WDR81: variants seen among roughly 807,000 people sequenced by gnomAD.
WDR81 encodes the protein WD repeat-containing protein 81.
In WDR81, 92 loss-of-function variants were observed where a neutral mutation model predicts 140.8. The observed-to-expected ratio is 0.65, with a 90% CI of 0.55 to 0.78. WDR81 has a LOEUF of 0.78. WDR81 is among the 30% of genes least tolerant of loss of function. The pLI is 0.00. For synonymous variants in WDR81, 1,183 were observed against 1,156.4 expected, an observed-to-expected ratio of 1.02 and a Z score of -0.47; for missense variants, 2,502 against 2,636.4, an observed-to-expected ratio of 0.95 and a Z score of 1.12.
chr17:1,723,962 G>A (rs76607252), upstream of WDR81, among the ~76,000 whole-genome samples: 48 of 152,342 alleles, frequency 3.2e-4, no homozygotes, highest in Non-Finnish European at 5.7e-4. Context: ...ACCTCACAGA[G>A]TGTGTTGCGA....
chr17:1,719,464 C>T (rs1363251193), intron 1 of WDR81, among the ~76,000 whole-genome samples: 2 of 151,296 alleles, frequency 1.3e-5, no homozygotes, highest in African/African-American at 2.4e-5. Flanking sequence ...AGGAGAGTGG[C>T]GTGAACCCAG....
chr17:1,728,360 A>G lies in WDR81; in HGVS notation c.3401A>G (p.Lys1134Arg), dbSNP rs1481852966. 6.2e-7 allele frequency: 1 copy of G among 1,612,966 alleles called. No homozygotes were observed. The highest frequency in any genetic ancestry group is 1.3e-5 in the African/African-American group (1 of 75,060). ...APDEGGAPVD[K>R]SSLRSGDSSQ... is the part of the protein sequence containing the mutation. Reference sequence around the variant, plus strand: ...GACGAGGGGGGTGCCCCCGTGGACAAGAGCAGCCTTCGATCAGGTGACAGC... The same window carrying G: ...GACGAGGGGGGTGCCCCCGTGGACAGGAGCAGCCTTCGATCAGGTGACAGC... Residue 1134 changes from lysine (K) to arginine (R), a missense_variant, in exon 1 of 10, where the codon AAG (lysine) becomes AGG (arginine). This residue lies in a region of WDR81 where 1,737 missense variants were observed against 1,843.0 expected (regional missense o/e 0.94). Transcript: ENST00000409644.
At position 1,724,974 on chromosome 17, in the gene WDR81, CG is replaced by C; in HGVS notation, c.21del (p.Arg8GlyfsTer31). 10 of 1,455,448 alleles carry C rather than the reference CG, an allele frequency of 6.9e-6. No homozygotes were observed. Among genetic ancestry groups the C allele is most frequent in the East Asian group, 2.5e-5 (1 of 39,806 alleles). The allele number at this position is 1,455,448 out of a possible 1,614,324, so 90.2% of individuals were successfully genotyped here. MAQGS[G>X]GREGALRTPA... The stretch of plus-strand genomic sequence containing the variant: ...GCCTGGAGGAGATGGCCCAGGGCAG[CG>C]GGGGGCGGGAAGGCGCTCTCAGAAC... On this transcript the variant is annotated frameshift_variant, in exon 1 of 10. Coordinates refer to ENST00000409644, the MANE Select transcript of WDR81 (RefSeq NM_001163809.2). LOFTEE classifies it high-confidence loss of function.
At chr17:1,729,823 A>G (rs1381226227) in intron 1 of WDR81, among the ~76,000 whole-genome samples, 4 of 151,780 alleles carry the variant, frequency 2.6e-5, no homozygotes, top group Admixed American at 1.3e-4. Context: ...TTAGCTGGGC[A>G]TGGTGGAGGG....
upstream of WDR81, among the ~76,000 whole-genome samples, chr17:1,722,620 C>T (rs1435527759): frequency 6.7e-6 from 1 of 150,374 alleles, no homozygotes; most frequent in Non-Finnish European, 1.5e-5. Context: ...TGCTGGGTTA[C>T]AGGCATGAGC....
rs140096355 is a variant in WDR81, at chr17:1,730,801, G to A, written c.3822G>A (p.Pro1274=). 1.2e-4 allele frequency: 194 copies of A among 1,612,180 alleles called. No homozygotes were observed. The African/African-American group carries it at 2.3e-3, about 19-fold the overall frequency. Residue 1274 remains proline (P), a synonymous_variant, in exon 3 of 10, where the codon CCG becomes CCA. Coordinates refer to ENST00000409644, the MANE Select transcript of WDR81 (RefSeq NM_001163809.2). The part of the protein sequence containing the change: ...QFTVSSGESP[P]LSAGNIYQKR... The stretch of plus-strand genomic sequence containing the variant: ...CAGTGAGCAGTGGCGAGAGCCCACC[G>A]CTGAGCGCCGGCAACATCTACCAGA...
At chr17:1,733,406 A>T in intron 6 of WDR81, 121 bp from the exon 7 acceptor site, 2 of 944,570 alleles carry the variant, frequency 2.1e-6, no homozygotes, top group Non-Finnish European at 3.1e-6. Context: ...AGACAGAGTT[A>T]CTTGCCCAGA....
Position 1,737,548 on chromosome 17 carries a change from C to G in WDR81, c.5689C>G (p.Leu1897Val). The change falls in exon 10 of 10, where the codon CTT becomes GTT. Residue 1897 changes from leucine to valine, a missense_variant. Transcript: ENST00000409644. ...CAACAAGATTGGCGTCTGCTCCCTG[C>G]TTGAGCCACCCTCGCAGGCCACCAC... ...VSNKIGVCSLLEPPSQATTKL... is the reference protein window; with the variant it reads ...VSNKIGVCSLVEPPSQATTKL... 6.2e-7 allele frequency: 1 copy of G among 1,612,996 alleles called. No individual in the cohort carries two copies. Among genetic ancestry groups the G allele is most frequent in the Non-Finnish European group, 8.5e-7 (1 of 1,180,004 alleles).
At chr17:1,729,514 G>A (rs1005496197) in intron 1 of WDR81, among the ~76,000 whole-genome samples, 3 of 152,024 alleles carry the variant, frequency 2.0e-5, no homozygotes, top group Non-Finnish European at 4.4e-5. Context: ...TTTACATCTA[G>A]TTTTCAAGGG....
upstream of WDR81, among the ~76,000 whole-genome samples, chr17:1,720,698 A>G (rs796631113): frequency 7.9e-5 from 12 of 151,542 alleles, no homozygotes; most frequent in African/African-American, 2.4e-4. Flanking sequence ...CTGGGCGGTG[A>G]AGGTTGCAGT....
In WDR81 at chr17:1,735,802, A is replaced by G. The variant is rs1178778858; in HGVS notation, c.5325+85A>G. 2 of 1,513,798 alleles carry G rather than the reference A, an allele frequency of 1.3e-6. No individual in the cohort carries two copies. The highest frequency in any genetic ancestry group is 2.8e-5 in the African/African-American group (2 of 71,660). 93.8% of individuals were successfully genotyped at this position (1,513,798 alleles called of 1,614,324 possible). Reference sequence around the variant, plus strand: ...AGAGACTCCCCAAAAACAGAAAGCCAGGATGTTGTTCTGGGGCCCTAGTTA... The same window carrying G: ...AGAGACTCCCCAAAAACAGAAAGCCGGGATGTTGTTCTGGGGCCCTAGTTA... On this transcript the variant is annotated intron_variant, in intron 8 of 9. Transcript: ENST00000409644. The surrounding 1 kb of genome is among the most constrained non-coding windows in gnomAD (Gnocchi z 4.2).
intron 4 of WDR81, among the ~76,000 whole-genome samples, chr17:1,731,718 A>G (rs1041865186): frequency 6.6e-6 from 1 of 151,856 alleles, no homozygotes; most frequent in Admixed American, 6.6e-5. Flanking sequence ...CCTGGCCAAC[A>G]TGGTGAAACC....
rs1567718799 is a variant in WDR81 at position 1,726,336 on chromosome 17, T to G, written c.1377T>G (p.Pro459=). 6 of 1,544,638 alleles carry G rather than the reference T, an allele frequency of 3.9e-6. No individual in the cohort carries two copies. The highest frequency in any genetic ancestry group is 4.4e-6 in the Non-Finnish European group (5 of 1,142,772). Residue 459 remains proline, a synonymous_variant, in exon 1 of 10, where the codon CCT becomes CCG. Transcript: ENST00000409644. ...ATGTGTACAAGGCTCGGCGCACGCC[T>G]CGGTCGGTGCTCTGCGGACACGTCC... The part of the protein sequence containing the change: ...TYYVYKARRT[P]RSVLCGHVRA...
At chr17:1,731,534 G>A (rs1441189395) in intron 4 of WDR81, among the ~76,000 whole-genome samples, 1 of 152,156 alleles carries the variant, frequency 6.6e-6, no homozygotes, top group Non-Finnish European at 1.5e-5. Context: ...CACTTTGAGA[G>A]GCTGAGGCGG....
chr17:1,724,491 G>T, upstream of WDR81: 1 of 985,950 alleles, frequency 1.0e-6, no homozygotes, highest in Non-Finnish European at 1.2e-6. Context: ...GGAGTAGGGA[G>T]GGGTGGGGCG....
In WDR81 at chr17:1,735,463, A is replaced by C. The variant is rs1904779923; in HGVS notation, c.5180-109A>C. The C allele has an allele frequency of 1.7e-6, 2 of 1,143,996 alleles. No individual in the cohort carries two copies. Among genetic ancestry groups the C allele is most frequent in the Non-Finnish European group, 2.4e-6 (2 of 834,350 alleles). The allele number at this position is 1,143,996 out of a possible 1,614,324, so 70.9% of individuals were successfully genotyped here. On this transcript the variant is annotated intron_variant, in intron 7 of 9. Coordinates refer to ENST00000409644, the MANE Select transcript of WDR81 (RefSeq NM_001163809.2). This position sits in a 1 kb window ranked among gnomAD's most constrained non-coding sequence, Gnocchi z 4.2. The stretch of plus-strand genomic sequence containing the variant: ...GAAACATCTTTAGCATTTTCTAAGG[A>C]TCCCTGGGGGACGGGAGGCAGGTGT...
upstream of WDR81, among the ~76,000 whole-genome samples, chr17:1,722,735 C>G (rs567812725): frequency 3.4e-4 from 51 of 148,748 alleles, no homozygotes; most frequent in African/African-American, 1.2e-3. Flanking sequence ...CTCTGCCACC[C>G]AGGCTGGAGT....
Position 1,726,324 on chromosome 17 carries a change from T to C in WDR81, c.1365T>C (p.Ala455=), listed in dbSNP as rs1184122449. The change falls in exon 1 of 10, where the codon GCT becomes GCC. Residue 455 remains alanine (A), a synonymous_variant. Coordinates refer to ENST00000409644, the MANE Select transcript of WDR81 (RefSeq NM_001163809.2). ...LSDITYYVYK[A]RRTPRSVLCG... is the part of the protein sequence containing the mutation. ...ACATCACGTACTATGTGTACAAGGCTCGGCGCACGCCTCGGTCGGTGCTCT... is the reference window on the plus strand; with the variant it reads ...ACATCACGTACTATGTGTACAAGGCCCGGCGCACGCCTCGGTCGGTGCTCT... 3 of 1,543,822 alleles carry C rather than the reference T, an allele frequency of 1.9e-6. No individual in the cohort carries two copies. The highest frequency in any genetic ancestry group is 2.5e-5 in the East Asian group (1 of 40,748).
chr17:1,727,114 A>C lies in WDR81; in HGVS notation c.2155A>C (p.Ile719Leu). ...CCCTGGGGAGGGTGAGGAGGGGAGGATTCTTCTTCCCGAGGGCTTCAATCC... is the reference window on the plus strand; with the variant it reads ...CCCTGGGGAGGGTGAGGAGGGGAGGCTTCTTCTTCCCGAGGGCTTCAATCC... ...ADPGEGEEGR[I>L]LLPEGFNPMQ... is the part of the protein sequence containing the mutation. Residue 719 changes from isoleucine (I) to leucine (L), a missense_variant, in exon 1 of 10, where the codon ATT (isoleucine) becomes CTT (leucine). This residue lies in a region of WDR81 where 1,737 missense variants were observed against 1,843.0 expected (regional missense o/e 0.94). Coordinates refer to ENST00000409644, the MANE Select transcript of WDR81 (RefSeq NM_001163809.2). The C allele has an allele frequency of 5.2e-6, 8 of 1,547,086 alleles. No individual in the cohort carries two copies. Among genetic ancestry groups the C allele is most frequent in the Non-Finnish European group, 7.0e-6 (8 of 1,144,658 alleles).
Sources: gnomAD v4.1 joint callset for allele counts (sites outside exome capture counted in the v4.1 genomes callset) on GRCh38, gnomAD v4.1.1 for gene constraint, gnomAD v4.1.1 regional missense constraint, Gnocchi (gnomAD v3.1) non-coding constraint, MANE v1.5 for transcripts, NCBI Gene and HGNC (gene_info 2026-07-23, HGNC 2026-07-21) for gene names.